Variants in WWOX observed in about 807,000 individuals in gnomAD.
WWOX encodes the protein WW domain-containing oxidoreductase.
In WWOX, 69 loss-of-function variants were observed where a neutral mutation model predicts 46.2. That is an observed-to-expected ratio of 1.49 (90% CI 1.23 to 1.82). The LOEUF is 1.82. Among genes scored for constraint, WWOX ranks in the 40% most tolerant of loss-of-function variants. The pLI is 0.00. For missense variants in WWOX, 919 were observed against 542.6 expected (o/e 1.69, Z -6.89); for synonymous variants, 359 against 202.6 (o/e 1.77, Z -6.56).
rs569242999 is a variant in WWOX at position 78,336,771 on chromosome 16, T to A, written c.517-50089T>A. On this transcript the variant is annotated intron_variant, in intron 5 of 8. Transcript: ENST00000566780. ...AATGGTATTTCCTGAGTTTTTACAATTATAGTATTAAGATATTCCTAGGTT... is the reference window on the plus strand; with the variant it reads ...AATGGTATTTCCTGAGTTTTTACAAATATAGTATTAAGATATTCCTAGGTT... Among the ~76,000 whole-genome samples the A allele has an allele frequency of 3.3e-5, 5 of 152,198 alleles. No homozygotes were observed. In the East Asian group the frequency reaches 7.7e-4, roughly 24 times the overall value.
At chr16:78,248,680 G>A (rs1462488817) in intron 5 of WWOX, among the ~76,000 whole-genome samples, 1 of 152,066 alleles carries the variant, frequency 6.6e-6, no homozygotes, top group East Asian at 1.9e-4. Flanking sequence ...AGGTTGCAGT[G>A]AGGTGAGATC....
intron 8 of WWOX, among the ~76,000 whole-genome samples, chr16:78,987,465 C>T (rs1430172476): frequency 1.3e-5 from 2 of 152,114 alleles, no homozygotes; most frequent in African/African-American, 4.8e-5. Flanking sequence ...TAGCAACTCT[C>T]GAGAGGATGA....
At chr16:78,480,325 G>A (rs1343308163) in intron 8 of WWOX, among the ~76,000 whole-genome samples, 2 of 152,158 alleles carry the variant, frequency 1.3e-5, no homozygotes, top group African/African-American at 2.4e-5. Flanking sequence ...AAAGTGTGAA[G>A]GATGAACCAC....
At chr16:78,550,784 C>T (rs879768118) in intron 8 of WWOX, 1 of 151,908 alleles carries the variant, frequency 6.6e-6, no homozygotes, top group Non-Finnish European at 1.5e-5. Context: ...CCTTGAATAA[C>T]TTGGGAAAAA....
intron 8 of WWOX, among the ~76,000 whole-genome samples, chr16:78,439,060 C>T (rs1292963594): frequency 6.6e-6 from 1 of 152,116 alleles, no homozygotes; most frequent in African/African-American, 2.4e-5. Context: ...CTTTAAATAC[C>T]TGCAGCTGAC....
intron 8 of WWOX, among the ~76,000 whole-genome samples, chr16:79,164,167 T>C (rs1445220177): frequency 6.6e-6 from 1 of 152,154 alleles, no homozygotes; most frequent in African/African-American, 2.4e-5. Flanking sequence ...TATAGAAAAA[T>C]ATAAATCAAT....
intron 8 of WWOX, among the ~76,000 whole-genome samples, chr16:78,935,966 A>C (rs1442860388): frequency 6.6e-6 from 1 of 152,130 alleles, no homozygotes; most frequent in Non-Finnish European, 1.5e-5. Flanking sequence ...TCCAAAAAAA[A>C]AGTTGGAAGG....
intron 8 of WWOX, among the ~76,000 whole-genome samples, chr16:78,968,259 C>T (rs950631709): frequency 9.9e-5 from 15 of 152,234 alleles, no homozygotes; most frequent in Non-Finnish European, 2.1e-4. Flanking sequence ...GGGCGATTTC[C>T]AGACTATCCA....
At chr16:78,503,529 C>A (rs2085120246) in intron 8 of WWOX, 1 of 151,974 alleles carries the variant, frequency 6.6e-6, no homozygotes, top group South Asian at 2.1e-4. Flanking sequence ...CAAAGCGATT[C>A]TTTATTTTCT....
chr16:78,530,011 T>C (rs552399808), intron 8 of WWOX, among the ~76,000 whole-genome samples: 1 of 152,290 alleles, frequency 6.6e-6, no homozygotes, highest in East Asian at 1.9e-4. Flanking sequence ...ACTAGCTGGC[T>C]GCTTTGGTGC....
chr16:78,919,310 A>C (rs1338941119), intron 8 of WWOX, among the ~76,000 whole-genome samples: 2 of 151,850 alleles, frequency 1.3e-5, no homozygotes, highest in African/African-American at 4.8e-5. Context: ...GAAGTCAGAC[A>C]ACTCACCCAG....
At chr16:78,415,839 A>G (rs1567559090) in intron 6 of WWOX, among the ~76,000 whole-genome samples, 1 of 152,050 alleles carries the variant, frequency 6.6e-6, no homozygotes, top group Non-Finnish European at 1.5e-5. Flanking sequence ...CTACCACCTT[A>G]ACTACTGAGG....
intron 8 of WWOX, among the ~76,000 whole-genome samples, chr16:78,779,619 G>C (rs1164110499): frequency 6.6e-6 from 1 of 152,148 alleles, no homozygotes; most frequent in Non-Finnish European, 1.5e-5. Flanking sequence ...ATTTTAAGTA[G>C]GAAATTGAAG....
chr16:78,684,938 T>C (rs548359397), intron 8 of WWOX, among the ~76,000 whole-genome samples: 1 of 152,334 alleles, frequency 6.6e-6, no homozygotes, highest in Non-Finnish European at 1.5e-5. Context: ...CATGTTGTTT[T>C]ACAGCTCTGT....
At chr16:78,958,905 A>G (rs941864606) in intron 8 of WWOX, among the ~76,000 whole-genome samples, 1 of 152,226 alleles carries the variant, frequency 6.6e-6, no homozygotes, top group East Asian at 1.9e-4. Flanking sequence ...TAGGGTGAGC[A>G]TAGCTTAGTG....
chr16:78,747,453 T>C (rs2049375386), intron 8 of WWOX, among the ~76,000 whole-genome samples: 1 of 152,130 alleles, frequency 6.6e-6, no homozygotes, highest in Non-Finnish European at 1.5e-5. Flanking sequence ...AAAATACCCA[T>C]CATTTATGAA....
intron 8 of WWOX, among the ~76,000 whole-genome samples, chr16:78,635,346 C>A (rs1169447355): frequency 1.3e-5 from 2 of 152,148 alleles, no homozygotes; most frequent in Admixed American, 6.5e-5. Flanking sequence ...GGACTTGGAT[C>A]TAGGCCACTC....
chr16:79,143,803 T>G (rs1427276978), intron 8 of WWOX, among the ~76,000 whole-genome samples: 4 of 152,138 alleles, frequency 2.6e-5, no homozygotes, highest in African/African-American at 9.7e-5. Flanking sequence ...AACACACAGC[T>G]GGTAGGAGTT....
chr16:78,445,278 G>T (rs562221710), intron 8 of WWOX, among the ~76,000 whole-genome samples: 5 of 152,140 alleles, frequency 3.3e-5, no homozygotes, highest in Non-Finnish European at 7.3e-5. Flanking sequence ...GAGTAAAGGG[G>T]GAATATGTTC....
Sources: gnomAD v4.1 joint callset for allele counts (sites outside exome capture counted in the v4.1 genomes callset) on GRCh38, gnomAD v4.1.1 for gene constraint, MANE v1.5 for transcripts, NCBI Gene and HGNC (gene_info 2026-07-23, HGNC 2026-07-21) for gene names.